The following FANCC variants were observed in gnomAD, a reference collection of about 807,000 sequenced individuals.
The protein encoded by FANCC is FA complementation group C.
In FANCC, 55 loss-of-function variants were observed where a neutral mutation model predicts 71.3. The observed-to-expected ratio is 0.77, with a 90% CI of 0.62 to 0.97. The LOEUF is 0.97. Among genes scored for constraint, FANCC ranks in the 50% least tolerant of loss-of-function variants. The pLI, the probability that FANCC is intolerant of heterozygous loss-of-function variation, is 0.00. For synonymous variants in FANCC, 275 were observed against 244.9 expected (o/e 1.12, Z -1.15); for missense variants, 678 against 670.9 (o/e 1.01, Z -0.12).
chr9:95,205,849 T>C (rs1213072914), intron 4 of FANCC, among the ~76,000 whole-genome samples: 1 of 152,170 alleles, frequency 6.6e-6, no homozygotes. Context: ...ACTTTGCAGA[T>C]GACTCAAATT....
In FANCC at chr9:95,148,380, A is replaced by G. The variant is rs188655106; in HGVS notation, c.686+1543T>C. Among the ~76,000 whole-genome samples the G allele has an allele frequency of 2.6e-4, 39 of 152,364 alleles. 1 individual carries two copies. The highest frequency in any genetic ancestry group is 2.4e-3 in the Admixed American group (37 of 15,306). On this transcript the variant is annotated intron_variant, in intron 7 of 14. Coordinates refer to ENST00000289081, the MANE Select transcript of FANCC (RefSeq NM_000136.3). ...TGGAAATTGACCTGAAAGAATGACT[A>G]GCAGACAGGCAGTGGTCAGTCACAT...
chr9:95,242,479 C>CAA lies in FANCC; in HGVS notation c.251-1738_251-1737dup, dbSNP rs1162048314. Among the ~76,000 whole-genome samples the CAA allele has an allele frequency of 1.4e-3, 78 of 56,206 alleles. 2 individuals carry two copies. The highest frequency in any genetic ancestry group is 6.1e-3 in the South Asian group (11 of 1,810). The allele number at this position is 56,206 out of a possible 152,430, so 36.9% of individuals were successfully genotyped here. A position where few individuals can be genotyped will look rare whatever the true frequency, so the allele number is the denominator to read the frequency against. On this transcript the variant is annotated intron_variant, in intron 3 of 14. Transcript: ENST00000289081. Reference sequence around the variant, plus strand: ...TTTCCAAAAACCAGACATTCACCACCAAAAAAAAAAAAAAAAAAAAAGAAA... The same window carrying CAA: ...TTTCCAAAAACCAGACATTCACCACCAAAAAAAAAAAAAAAAAAAAAAAGAAA...
chr9:95,222,598 T>C (rs1281843581), intron 4 of FANCC, among the ~76,000 whole-genome samples: 1 of 152,120 alleles, frequency 6.6e-6, no homozygotes, highest in African/African-American at 2.4e-5. Flanking sequence ...GTCAAAACTA[T>C]CAAATTATAC....
intron 3 of FANCC, 77 bp from the exon 4 acceptor site, chr9:95,240,820 T>C: frequency 1.2e-6 from 1 of 842,684 alleles, no homozygotes; most frequent in East Asian, 2.6e-5. Context: ...ACATTATATT[T>C]AGGAAAATCT....
At chr9:95,208,519 T>C (rs1828293300) in intron 4 of FANCC, among the ~76,000 whole-genome samples, 1 of 152,128 alleles carries the variant, frequency 6.6e-6, no homozygotes, top group African/African-American at 2.4e-5. Context: ...AAAAGACATA[T>C]TCATATAAAG....
At chr9:95,198,396 CTTCT>C (rs1274242307) in intron 4 of FANCC, among the ~76,000 whole-genome samples, 2 of 152,164 alleles carry the variant, frequency 1.3e-5, no homozygotes, top group Non-Finnish European at 2.9e-5. Context: ...TATGTGGAAC[CTTCT>C]TTTAGAGCCT....
intron 4 of FANCC, among the ~76,000 whole-genome samples, chr9:95,202,141 C>T (rs1035713891): frequency 2.0e-5 from 3 of 152,150 alleles, no homozygotes; most frequent in African/African-American, 7.2e-5. Context: ...TATAAAACTG[C>T]TGTATTAAGC....
chr9:95,302,618 CTCA>C (rs1381884433), intron 1 of FANCC, among the ~76,000 whole-genome samples: 23 of 152,224 alleles, frequency 1.5e-4, no homozygotes, highest in African/African-American at 5.5e-4. Flanking sequence ...AATCCTCAGA[CTCA>C]CCAGTGCTCA....
At chr9:95,172,011 A>C in intron 5 of FANCC, 26 bp downstream of exon 5, 1 of 1,389,170 alleles carries the variant, frequency 7.2e-7, no homozygotes. Flanking sequence ...TAAACATTTC[A>C]AAAGTGATAA....
At chr9:95,299,595 TCA>T (rs1051682049) in intron 1 of FANCC, among the ~76,000 whole-genome samples, 1 of 152,194 alleles carries the variant, frequency 6.6e-6, no homozygotes, top group African/African-American at 2.4e-5. Flanking sequence ...CTGCAGTGGC[TCA>T]CACCTGTAAT....
intron 4 of FANCC, among the ~76,000 whole-genome samples, chr9:95,206,520 T>G (rs1767473265): frequency 6.6e-6 from 1 of 152,184 alleles, no homozygotes; most frequent in Admixed American, 6.5e-5. Flanking sequence ...CACAAATGGC[T>G]AAAAAACTGG....
chr9:95,207,267 G>T (rs987318942), intron 4 of FANCC, among the ~76,000 whole-genome samples: 4 of 152,012 alleles, frequency 2.6e-5, no homozygotes, highest in African/African-American at 9.7e-5. Flanking sequence ...AAGAAGAAAA[G>T]AAAACAAAAG....
chr9:95,314,146 T>C (rs113327177), intron 1 of FANCC, among the ~76,000 whole-genome samples: 22 of 152,354 alleles, frequency 1.4e-4, no homozygotes, highest in Middle Eastern at 6.8e-3. Flanking sequence ...AGTAAAACTA[T>C]ATTGGCATGA....
intron 7 of FANCC, among the ~76,000 whole-genome samples, chr9:95,144,827 G>T (rs1829306215): frequency 6.6e-6 from 1 of 152,174 alleles, no homozygotes; most frequent in South Asian, 2.1e-4. Flanking sequence ...CGGGTGTTGG[G>T]CACTGTAAGG....
In FANCC at chr9:95,123,775, G is replaced by C. The variant is rs572830976; in HGVS notation, c.996+1311C>G. ...GTGCAATTCACAGCAAAGTAGTCAG[G>C]AATCGATCTTGTGAAGCCCACAAGG... On this transcript the variant is annotated intron_variant, in intron 10 of 14. Coordinates refer to ENST00000289081, the MANE Select transcript of FANCC (RefSeq NM_000136.3). 1.1e-4 allele frequency: 78 copies of C among 700,118 alleles called. No homozygotes were observed. In the African/African-American group the frequency reaches 1.3e-3, roughly 12 times the overall value. 43.4% of individuals were successfully genotyped at this position (700,118 alleles called of 1,614,324 possible).
At chr9:95,308,867 A>G (rs930928527) in intron 1 of FANCC, among the ~76,000 whole-genome samples, 1 of 152,072 alleles carries the variant, frequency 6.6e-6, no homozygotes, top group Non-Finnish European at 1.5e-5. Context: ...GGGCAGGCAC[A>G]GTGTCTGCCT....
chr9:95,170,636 T>TTGTGTGTGTG (rs1825602999), intron 6 of FANCC, among the ~76,000 whole-genome samples: 2 of 35,748 alleles, frequency 5.6e-5, no homozygotes, highest in African/African-American at 1.9e-4. Flanking sequence ...CTTGTAAATA[T>TTGTGTGTGTG]CGTGTGTGTG....
At chr9:95,239,087 TCTCC>T (rs1830490388) in intron 4 of FANCC, among the ~76,000 whole-genome samples, 1 of 152,138 alleles carries the variant, frequency 6.6e-6, no homozygotes, top group Non-Finnish European at 1.5e-5. Context: ...ACAGGAATAT[TCTCC>T]CTAACTCTAT....
chr9:95,266,679 T>C lies in FANCC; in HGVS notation c.-78-17310A>G, dbSNP rs535878946. 7.9e-5 allele frequency among the ~76,000 whole-genome samples: 12 copies of C among 152,188 alleles called. No individual in the cohort carries two copies. In the South Asian group the frequency reaches 1.9e-3, roughly 24 times the overall value. The stretch of plus-strand genomic sequence containing the variant: ...AAAAAATTACCACCAAAATGAAAAA[T>C]AGAAGGTGAAACCTTTGTAGAGAAC... On this transcript the variant is annotated intron_variant, in intron 1 of 14. Transcript: ENST00000289081.
Sources: allele counts gnomAD v4.1 joint callset (sites outside exome capture counted in the v4.1 genomes callset), GRCh38; gene constraint gnomAD v4.1.1; transcripts MANE v1.5; gene names NCBI Gene and HGNC (gene_info 2026-07-23, HGNC 2026-07-21).